Variants in SUGCT observed in about 807,000 individuals in gnomAD.
The protein encoded by SUGCT is succinyl-CoA:glutarate CoA-transferase.
SUGCT carries 41 observed loss-of-function variants against 55.0 expected under a neutral mutation model. The observed-to-expected ratio is 0.74, with a 90% CI of 0.58 to 0.97. The LOEUF is 0.97. Ranked by LOEUF, SUGCT falls within the 50% of genes least tolerant of loss-of-function variation. The pLI is 0.00. For missense variants in SUGCT, 568 were observed against 547.8 expected (o/e 1.04, Z -0.37); for synonymous variants, 187 against 200.4 (o/e 0.93, Z 0.56).
intron 12 of SUGCT, among the ~76,000 whole-genome samples, chr7:40,558,401 A>G (rs960845441): frequency 6.6e-6 from 1 of 152,234 alleles, no homozygotes; most frequent in African/African-American, 2.4e-5. Flanking sequence ...TAAACAAAAC[A>G]TAGTATACAA....
the SUGCT span, among the ~76,000 whole-genome samples, chr7:41,035,731 G>A: frequency 1.3e-5 from 2 of 152,234 alleles, no homozygotes; most frequent in Admixed American, 6.5e-5. Flanking sequence ...TGCAGGTGGT[G>A]TGCTGATATA....
At chr7:40,302,364 G>A (rs1794588557) in intron 8 of SUGCT, among the ~76,000 whole-genome samples, 1 of 152,088 alleles carries the variant, frequency 6.6e-6, no homozygotes, top group African/African-American at 2.4e-5. Flanking sequence ...CCACTTCAGT[G>A]GCTTTACCCT....
intron 9 of SUGCT, among the ~76,000 whole-genome samples, chr7:40,389,267 C>T (rs6973720): frequency 0.95 from 144,331 of 152,138 alleles, 68,914 homozygotes; most frequent in East Asian, 1. Flanking sequence ...CTGGGCAATC[C>T]GGAGAAACCC....
At chr7:40,188,311 G>A (rs370258889) in intron 3 of SUGCT, among the ~76,000 whole-genome samples, 184 bp from the exon 4 acceptor site, 89 of 151,774 alleles carry the variant, frequency 5.9e-4, no homozygotes, top group Middle Eastern at 3.4e-3. Flanking sequence ...GTGCACACCT[G>A]TAATCCCAGC....
intron 9 of SUGCT, among the ~76,000 whole-genome samples, chr7:40,393,001 G>A (rs1227451105): frequency 6.6e-6 from 1 of 152,154 alleles, no homozygotes; most frequent in Non-Finnish European, 1.5e-5. Context: ...TTGGTTTGGG[G>A]CACATTGTCT....
chr7:40,259,412 C>T (rs1215752231), intron 7 of SUGCT, among the ~76,000 whole-genome samples: 2 of 152,048 alleles, frequency 1.3e-5, no homozygotes, highest in Non-Finnish European at 2.9e-5. Context: ...TGTGGCTACG[C>T]GACTGTATTG....
chr7:40,877,119 C>T, the SUGCT span, among the ~76,000 whole-genome samples: 2 of 152,106 alleles, frequency 1.3e-5, no homozygotes, highest in Non-Finnish European at 2.9e-5. Context: ...GAATCTCTTC[C>T]TTCCTTCAAC....
chr7:40,504,067 A>C (rs1792449828), intron 12 of SUGCT, among the ~76,000 whole-genome samples: 2 of 152,214 alleles, frequency 1.3e-5, no homozygotes, highest in Admixed American at 6.5e-5. Flanking sequence ...GCTAACCGTA[A>C]ATGGAAAGAT....
At chr7:40,862,674 G>A (rs1363659043), downstream of SUGCT, among the ~76,000 whole-genome samples, 2 of 151,884 alleles carry the variant, frequency 1.3e-5, no homozygotes, top group African/African-American at 4.8e-5. Context: ...GAAACTCAGT[G>A]GGGTAATCGT....
chr7:40,805,875 T>C (rs1312260664), intron 13 of SUGCT, among the ~76,000 whole-genome samples: 1 of 152,164 alleles, frequency 6.6e-6, no homozygotes, highest in Non-Finnish European at 1.5e-5. Context: ...TGGACTAAAA[T>C]CATTTGTTTG....
intron 9 of SUGCT, among the ~76,000 whole-genome samples, chr7:40,318,943 G>C (rs1795579586): frequency 6.6e-6 from 1 of 152,108 alleles, no homozygotes; most frequent in Non-Finnish European, 1.5e-5. Context: ...TGTGCACCTA[G>C]AGTTCTGGCA....
At chr7:40,177,998 G>A (rs1318572936) in intron 1 of SUGCT, among the ~76,000 whole-genome samples, 4 of 152,118 alleles carry the variant, frequency 2.6e-5, no homozygotes, top group Non-Finnish European at 5.9e-5. Context: ...TGATAGGTCC[G>A]CCTTGGCCTC....
At chr7:40,273,703 A>T (rs928849916) in intron 7 of SUGCT, among the ~76,000 whole-genome samples, 2 of 152,182 alleles carry the variant, frequency 1.3e-5, no homozygotes, top group African/African-American at 2.4e-5. Flanking sequence ...AAAAGCAGAG[A>T]CATGTCTGGG....
chr7:40,163,607 A>G (rs1234206593), intron 1 of SUGCT, among the ~76,000 whole-genome samples: 5 of 48,900 alleles, frequency 1.0e-4, no homozygotes, highest in Non-Finnish European at 2.9e-4. Flanking sequence ...TCTGTCTCAG[A>G]AAAAAAAAAA....
At chr7:40,636,535 A>G (rs1321489783) in intron 12 of SUGCT, among the ~76,000 whole-genome samples, 2 of 152,236 alleles carry the variant, frequency 1.3e-5, no homozygotes, top group Non-Finnish European at 2.9e-5. Flanking sequence ...AAGAATTTTC[A>G]GACATTAAAA....
chr7:40,599,562 A>G (rs1243794142), intron 12 of SUGCT, among the ~76,000 whole-genome samples: 1 of 152,076 alleles, frequency 6.6e-6, no homozygotes, highest in African/African-American at 2.4e-5. Flanking sequence ...ACAAGTTTTC[A>G]TTCTCTTCCT....
rs1785126900 is a variant in SUGCT, at chr7:40,700,455, C to T, written c.1090-48979C>T. The stretch of plus-strand genomic sequence containing the variant: ...TGTAGTGGGAAACCTCCCCAATATA[C>T]TCTTGTTTGAGTGACTTGGAAACCA... On this transcript the variant is annotated intron_variant, in intron 12 of 13. Coordinates refer to ENST00000335693, the MANE Select transcript of SUGCT (RefSeq NM_001193313.2). Among the ~76,000 whole-genome samples, 3 of 152,288 alleles carry T rather than the reference C, an allele frequency of 2.0e-5. No homozygotes were observed. In the Middle Eastern group the frequency reaches 0.01, roughly 518 times the overall value.
intron 11 of SUGCT, among the ~76,000 whole-genome samples, chr7:40,474,393 A>G (rs1207230251): frequency 6.6e-6 from 1 of 152,120 alleles, no homozygotes; most frequent in Non-Finnish European, 1.5e-5. Flanking sequence ...GGAACAGTCT[A>G]AAAACTGTGT....
rs543771849 is a variant in SUGCT at position 40,410,169 on chromosome 7, C to T, written c.817-39118C>T. Among the ~76,000 whole-genome samples, 118 of 152,232 alleles carry T rather than the reference C, an allele frequency of 7.8e-4. 1 individual carries two copies. Among genetic ancestry groups the T allele is most frequent in the African/African-American group, 2.7e-3 (114 of 41,534 alleles). On this transcript the variant is annotated intron_variant, in intron 9 of 13. Transcript: ENST00000335693. ...ATATATGTCATAACTGGCCACATCACCAAAATCATTTGTTACTTCTGGGTA... is the reference window on the plus strand; with the variant it reads ...ATATATGTCATAACTGGCCACATCATCAAAATCATTTGTTACTTCTGGGTA...
Sources: allele counts gnomAD v4.1 joint callset (sites outside exome capture counted in the v4.1 genomes callset), GRCh38; gene constraint gnomAD v4.1.1; transcripts MANE v1.5; gene names NCBI Gene and HGNC (gene_info 2026-07-23, HGNC 2026-07-21).